The following OC90 variants were observed in gnomAD, a reference collection of about 807,000 sequenced individuals.
OC90 encodes the protein otoconin 90.
Under a neutral mutation model 47.3 loss-of-function variants are expected in OC90, and 46 were observed. The observed-to-expected ratio is 0.97, with a 90% CI of 0.77 to 1.24. The LOEUF is 1.24. OC90 is among the 50% of genes most tolerant of loss of function. The pLI is 0.00. For missense variants in OC90, 688 were observed against 583.9 expected (o/e 1.18, Z -1.84); for synonymous variants, 271 against 219.5 (o/e 1.23, Z -2.07).
intron 5 of OC90, 119 bp from the exon 6 acceptor site, chr8:132,041,275 C>G: frequency 1.4e-6 from 1 of 702,154 alleles, no homozygotes; most frequent in South Asian, 1.7e-5. Flanking sequence ...TTTAAATATT[C>G]AGTGCACTAA....
chr8:132,028,567 G>GAAAGAAAGAAAGAAAGAAAGAAAGA (rs1157447594), intron 13 of OC90, among the ~76,000 whole-genome samples: 4 of 12,966 alleles, frequency 3.1e-4, no homozygotes, highest in African/African-American at 6.5e-4. Flanking sequence ...AGAAAGAAAG[G>GAAAGAAAGAAAGAAAGAAAGAAAGA]AAGGAAGGAA....
intron 2 of OC90, among the ~76,000 whole-genome samples, chr8:132,047,388 GAGTTAC>G (rs1489733676): frequency 6.6e-6 from 1 of 152,096 alleles, no homozygotes; most frequent in Non-Finnish European, 1.5e-5. Context: ...TTTCATCTGG[GAGTTAC>G]AGTGAGTCTA....
Position 132,042,586 on chromosome 8 carries a change from T to C in OC90, c.170-887A>G, listed in dbSNP as rs1011770555. Among the ~76,000 whole-genome samples, 12 of 152,276 alleles carry C rather than the reference T, an allele frequency of 7.9e-5. 1 individual carries two copies. The South Asian group carries it at 1.5e-3, about 18-fold the overall frequency. ...TATTGTTCCCGTCTTTATGTTCACG[T>C]GTATTTAATGCTTAGCTCCCATTTA... On this transcript the variant is annotated intron_variant, in intron 4 of 13. Coordinates refer to ENST00000254627, the MANE Select transcript of OC90 (RefSeq NM_001080399.3).
chr8:132,034,680 T>C (rs6471028), intron 10 of OC90, 101 bp downstream of exon 10: 561,502 of 778,202 alleles, frequency 0.72, 203,456 homozygotes, highest in Admixed American at 0.77. Context: ...GACAAGGTCA[T>C]GGTGCATTTC....
At chr8:132,032,956 G>A (rs1036865469) in intron 11 of OC90, 83 bp downstream of exon 11, 1 of 1,461,178 alleles carries the variant, frequency 6.8e-7, no homozygotes, top group Non-Finnish European at 9.3e-7. Flanking sequence ...AGGTCACAGT[G>A]TGAAAAGGTG....
intron 7 of OC90, 54 bp from the exon 8 acceptor site, chr8:132,038,885 G>T: frequency 6.2e-7 from 1 of 1,605,332 alleles, no homozygotes; most frequent in Non-Finnish European, 8.5e-7. Flanking sequence ...TTGAGGGAGG[G>T]TTTGAAGATG....
intron 13 of OC90, among the ~76,000 whole-genome samples, chr8:132,028,525 GA>G (rs1168222083): frequency 1.8e-4 from 11 of 61,820 alleles, no homozygotes; most frequent in African/African-American, 7.4e-4. Context: ...AAGAAAGAAA[GA>G]AAAGAAAGAA....
chr8:132,040,944 T>TA, intron 6 of OC90, 100 bp downstream of exon 6: 1 of 752,866 alleles, frequency 1.3e-6, no homozygotes, highest in Non-Finnish European at 2.4e-6. Context: ...GTGGTGACGA[T>TA]GATGTGAGAG....
intron 10 of OC90, among the ~76,000 whole-genome samples, chr8:132,034,368 T>C (rs531135884): frequency 6.6e-6 from 1 of 152,322 alleles, no homozygotes; most frequent in East Asian, 1.9e-4. Context: ...GTAGTAGCTA[T>C]CAGAACTGCT....
In OC90 at chr8:132,041,538, C is replaced by T. The variant is rs1392342118; in HGVS notation, c.331G>A (p.Asp111Asn). 1.2e-6 allele frequency: 2 copies of T among 1,611,436 alleles called. No homozygotes were observed. Among genetic ancestry groups the T allele is most frequent in the African/African-American group, 2.7e-5 (2 of 74,856 alleles). Residue 111 changes from aspartate (D) to asparagine (N), a missense_variant, in exon 5 of 14, where the codon GAT (aspartate) becomes AAT (asparagine). Transcript: ENST00000254627. ...CRFEMEGLPV[D>N]ESDSCCFQHR... ...GAACTCACTTACCTGTCAGATTCAT[C>T]CACAGGCAACCCTTCCATCTCAAAC... is the stretch of plus-strand genomic sequence containing the variant.
Position 132,036,556 on chromosome 8 carries a change from G to T in OC90, c.679+882C>A, listed in dbSNP as rs1586709324. 1.0e-5 allele frequency: 7 copies of T among 666,718 alleles called. No individual in the cohort carries two copies. In the East Asian group the frequency reaches 1.8e-4, roughly 17 times the overall value. The allele number at this position is 666,718 out of a possible 1,614,324, so 41.3% of individuals were successfully genotyped here. On this transcript the variant is annotated intron_variant, in intron 9 of 13. Transcript: ENST00000254627. Reference sequence around the variant, plus strand: ...GATCAGGGCATATGGCTGCACAATGGTGTTCACCAAGGTCTCAATTCAGTA... The same window carrying T: ...GATCAGGGCATATGGCTGCACAATGTTGTTCACCAAGGTCTCAATTCAGTA...
At chr8:132,025,392 T>C (rs1028167355) in intron 13 of OC90, among the ~76,000 whole-genome samples, 4 of 152,166 alleles carry the variant, frequency 2.6e-5, no homozygotes, top group African/African-American at 9.6e-5. Context: ...TGTCCAGGCA[T>C]GCACAGTAAG....
chr8:132,041,241 G>C, intron 5 of OC90, 85 bp from the exon 6 acceptor site: 1 of 851,608 alleles, frequency 1.2e-6, no homozygotes, highest in Non-Finnish European at 2.0e-6. Context: ...CTGTGTCTCT[G>C]GATGGATCCT....
rs749877179 is a variant in OC90 at position 132,041,505 on chromosome 8, C to G, written c.344+20G>C. On this transcript the variant is annotated intron_variant, in intron 5 of 13. Coordinates refer to ENST00000254627, the MANE Select transcript of OC90 (RefSeq NM_001080399.3). ...TGAGCTCACTTTTTTTGGTCTTGCT[C>G]ACCTGTGGAACTCACTTACCTGTCA... The G allele has an allele frequency of 1.3e-6, 2 of 1,597,544 alleles. No individual in the cohort carries two copies. The highest frequency in any genetic ancestry group is 8.5e-7 in the Non-Finnish European group (1 of 1,172,402).
At chr8:132,033,351 A>G (rs922495633) in intron 10 of OC90, among the ~76,000 whole-genome samples, 187 bp from the exon 11 acceptor site, 7 of 152,190 alleles carry the variant, frequency 4.6e-5, no homozygotes, top group African/African-American at 1.2e-4. Flanking sequence ...CATATTTTCT[A>G]TGATAACCTT....
chr8:132,030,050 C>A (rs1428223954), intron 12 of OC90, among the ~76,000 whole-genome samples: 7 of 152,202 alleles, frequency 4.6e-5, no homozygotes, highest in African/African-American at 1.4e-4. Context: ...ATCAGAGGAA[C>A]AATCCACCTT....
Position 132,026,403 on chromosome 8 carries a change from C to T in OC90, c.1139-1627G>A, listed in dbSNP as rs7817847. On this transcript the variant is annotated intron_variant, in intron 13 of 13. Coordinates refer to ENST00000254627, the MANE Select transcript of OC90 (RefSeq NM_001080399.3). ...CCTAACTTGGTCTCCACGTCAGCCC[C>T]AGACATGCCAGTTGCATTTCAGCAG... Among the ~76,000 whole-genome samples, 432 of 152,274 alleles carry T rather than the reference C, an allele frequency of 2.8e-3. 4 individuals carry two copies. The highest frequency in any genetic ancestry group is 9.6e-3 in the African/African-American group (400 of 41,560).
In OC90 at chr8:132,024,641, C is replaced by A. The variant is rs371026118; in HGVS notation, c.1274G>T (p.Cys425Phe). The change falls in exon 14 of 14, where the codon TGT becomes TTT. Residue 425 changes from cysteine to phenylalanine, a missense_variant. By Grantham distance (205) the Cys-to-Phe change is radical. Transcript: ENST00000254627. ...RLGCPGQPAA[C>F]EDSLHPVPAA... ...GGGCACAGGGTGCAGGCTGTCTTCA[C>A]AGGCTGCTGGCTGCCCAGGGCACCC... 6.2e-7 allele frequency: 1 copy of A among 1,613,148 alleles called. No homozygotes were observed. The highest frequency in any genetic ancestry group is 2.2e-5 in the East Asian group (1 of 44,858).
chr8:132,037,328 C>A, intron 9 of OC90, 110 bp downstream of exon 9: 1 of 891,088 alleles, frequency 1.1e-6, no homozygotes, highest in Non-Finnish European at 1.8e-6. Context: ...CCCTTCGGTG[C>A]TGTTCTTGTG....
Sources: gnomAD v4.1 joint callset for allele counts (sites outside exome capture counted in the v4.1 genomes callset) on GRCh38, gnomAD v4.1.1 for gene constraint, MANE v1.5 for transcripts, NCBI Gene and HGNC (gene_info 2026-07-23, HGNC 2026-07-21) for gene names.